The following TENM3 variants were observed in gnomAD, a reference collection of about 807,000 sequenced individuals.
TENM3 encodes teneurin-3.
In TENM3, 63 loss-of-function variants were observed where a neutral mutation model predicts 255.1. The ratio of observed to expected loss-of-function variants is 0.25; its 90% CI spans 0.20 to 0.30. The LOEUF (loss-of-function observed/expected upper bound fraction) is 0.30, where lower values mean the gene tolerates loss of function less well. Ranked by LOEUF, TENM3 falls within the 10% of genes least tolerant of loss-of-function variation. The pLI is 1.00. For synonymous variants in TENM3, 1,306 were observed against 1,322.3 expected (o/e 0.99, Z 0.27); for missense variants, 2,929 against 3,461.1 (o/e 0.85, Z 3.86).
chr4:181,847,032 G>A, the TENM3 span, among the ~76,000 whole-genome samples: 3 of 152,296 alleles, frequency 2.0e-5, no homozygotes, highest in Admixed American at 6.5e-5. Flanking sequence ...GTGTGGCAAC[G>A]GTGGGGTTTG....
chr4:181,695,904 A>G, the TENM3 span, among the ~76,000 whole-genome samples: 1 of 152,064 alleles, frequency 6.6e-6, no homozygotes, highest in Non-Finnish European at 1.5e-5. Context: ...TTTATAGGCT[A>G]AGTGCTTTCT....
the TENM3 span, among the ~76,000 whole-genome samples, chr4:181,742,214 A>G: frequency 5.9e-5 from 9 of 152,170 alleles, no homozygotes; most frequent in Admixed American, 3.3e-4. Flanking sequence ...CAGATATCCT[A>G]TCATTTTGCT....
chr4:182,513,119 C>G (rs1737583529), intron 3 of TENM3, among the ~76,000 whole-genome samples: 1 of 152,132 alleles, frequency 6.6e-6, no homozygotes, highest in Non-Finnish European at 1.5e-5. Flanking sequence ...GTTGCAGAAG[C>G]CTCATTTCAA....
chr4:181,923,583 A>T, the TENM3 span, among the ~76,000 whole-genome samples: 2 of 152,310 alleles, frequency 1.3e-5, no homozygotes, highest in Non-Finnish European at 2.9e-5. Context: ...ATTAGCCCCC[A>T]CTATTAAATA....
At chr4:182,758,695 C>G (rs987268559) in intron 22 of TENM3, among the ~76,000 whole-genome samples, 1 of 152,054 alleles carries the variant, frequency 6.6e-6, no homozygotes. Context: ...TTAGACCTTA[C>G]AAAGGGCAGC....
chr4:181,568,108 G>C, the TENM3 span, among the ~76,000 whole-genome samples: 1 of 151,370 alleles, frequency 6.6e-6, no homozygotes, highest in South Asian at 2.1e-4. Context: ...GACAGGTTTA[G>C]AGCCTGTTTT....
chr4:182,767,487 G>T (rs935662202), intron 22 of TENM3, among the ~76,000 whole-genome samples: 2 of 152,136 alleles, frequency 1.3e-5, no homozygotes, highest in Admixed American at 1.3e-4. Context: ...TGTTTTTGTT[G>T]TTGTTGGCCG....
At chr4:181,792,036 G>A in the TENM3 span, among the ~76,000 whole-genome samples, 1 of 152,184 alleles carries the variant, frequency 6.6e-6, no homozygotes, top group Admixed American at 6.5e-5. Flanking sequence ...TACATGATAA[G>A]TGTTTCTGAG....
chr4:182,800,128 AGC>A lies in TENM3; in HGVS notation c.7884_7885del (p.Leu2629ArgfsTer107). The A allele has an allele frequency of 6.7e-7, 1 of 1,482,896 alleles. No homozygotes were observed. Among genetic ancestry groups the A allele is most frequent in the Non-Finnish European group, 8.9e-7 (1 of 1,126,192 alleles). 91.9% of individuals were successfully genotyped at this position (1,482,896 alleles called of 1,614,324 possible). A position where few individuals can be genotyped will look rare whatever the true frequency, so the allele number is the denominator to read the frequency against. ...GCGCGCATCCTGGAGCAGGCGCGGC[AGC>A]GCGCGCTCGCCCGGGCCTGGGCGCG... On this transcript the variant is annotated frameshift_variant, in exon 28 of 28. Transcript: ENST00000511685. LOFTEE classifies it high-confidence loss of function.
chr4:182,650,889 A>AAAATATATAT (rs1281790163), intron 5 of TENM3, among the ~76,000 whole-genome samples: 41 of 29,714 alleles, frequency 1.4e-3, no homozygotes, highest in South Asian at 3.6e-3. Context: ...AATAAAAAAA[A>AAAATATATAT]ATATATATAT....
chr4:182,430,787 G>A (rs539593925), intron 3 of TENM3, among the ~76,000 whole-genome samples: 15 of 151,944 alleles, frequency 9.9e-5, no homozygotes, highest in African/African-American at 2.2e-4. Flanking sequence ...CGAGGCGGGC[G>A]GATCACCTGA....
At chr4:181,583,609 T>C in the TENM3 span, among the ~76,000 whole-genome samples, 1 of 152,312 alleles carries the variant, frequency 6.6e-6, no homozygotes. Context: ...ATATAGATTA[T>C]TTAACTTAAT....
At chr4:182,773,375 C>A in intron 22 of TENM3, 97 bp from the exon 23 acceptor site, 1 of 1,140,766 alleles carries the variant, frequency 8.8e-7, no homozygotes, top group Admixed American at 2.5e-5. Context: ...AATAGTCCTC[C>A]AAATTTGTGC....
At chr4:182,061,867 G>A in the TENM3 span, among the ~76,000 whole-genome samples, 1 of 152,140 alleles carries the variant, frequency 6.6e-6, no homozygotes, top group East Asian at 1.9e-4. Context: ...GGAAGATGAA[G>A]CAGGAGGACC....
intron 3 of TENM3, among the ~76,000 whole-genome samples, chr4:182,368,111 C>A (rs1056963148): frequency 6.6e-6 from 1 of 152,178 alleles, no homozygotes; most frequent in Non-Finnish European, 1.5e-5. Flanking sequence ...TTACTTCCTG[C>A]AAATCTCAAA....
At chr4:182,296,584 A>G (rs1305800532) in intron 1 of TENM3, among the ~76,000 whole-genome samples, 4 of 152,330 alleles carry the variant, frequency 2.6e-5, no homozygotes, top group Admixed American at 6.5e-5. Context: ...TAAGGTTTCT[A>G]GATTGCATTG....
chr4:181,844,524 C>T, the TENM3 span, among the ~76,000 whole-genome samples: 5 of 151,714 alleles, frequency 3.3e-5, no homozygotes, highest in Non-Finnish European at 7.4e-5. Context: ...AAAAATTAGC[C>T]GGGAGTGGTG....
chr4:182,109,015 A>G, the TENM3 span, among the ~76,000 whole-genome samples: 2 of 151,878 alleles, frequency 1.3e-5, no homozygotes, highest in African/African-American at 4.8e-5. Context: ...TCTGCAGTTA[A>G]CTTATATAGC....
At chr4:182,746,301 C>G (rs942602171) in intron 19 of TENM3, among the ~76,000 whole-genome samples, 1 of 152,082 alleles carries the variant, frequency 6.6e-6, no homozygotes, top group African/African-American at 2.4e-5. Context: ...GAAACGTTTT[C>G]TGGAAGGGCT....
Sources: allele counts gnomAD v4.1 joint callset (sites outside exome capture counted in the v4.1 genomes callset), GRCh38; gene constraint gnomAD v4.1.1; transcripts MANE v1.5; gene names NCBI Gene and HGNC (gene_info 2026-07-23, HGNC 2026-07-21).